The following ATRNL1 variants were observed in gnomAD, a reference collection of about 807,000 sequenced individuals.
ATRNL1 encodes the protein attractin-like protein 1.
A neutral mutation model predicts 182.7 loss-of-function variants in ATRNL1; 95 were observed. The observed-to-expected ratio is 0.52, with a 90% CI of 0.44 to 0.62. The LOEUF is 0.62. Ranked by LOEUF, ATRNL1 falls within the 20% of genes least tolerant of loss-of-function variation. ATRNL1 has a pLI of 0.00. For synonymous variants in ATRNL1, 576 were observed against 568.3 expected (o/e 1.01, Z -0.19); for missense variants, 1,471 against 1,679.5 (o/e 0.88, Z 2.17).
At chr10:115,342,032 CT>C (rs1246745054) in intron 19 of ATRNL1, among the ~76,000 whole-genome samples, 2 of 152,010 alleles carry the variant, frequency 1.3e-5, no homozygotes, top group Non-Finnish European at 2.9e-5. Context: ...TAAGTAAGGA[CT>C]TACTTCTGCC....
chr10:115,285,151 A>T (rs1554918249), intron 14 of ATRNL1, among the ~76,000 whole-genome samples: 1 of 152,144 alleles, frequency 6.6e-6, no homozygotes, highest in Non-Finnish European at 1.5e-5. Flanking sequence ...CAGCAGCTGG[A>T]AGAGTGCATT....
Position 115,097,363 on chromosome 10 carries a change from G to C in ATRNL1, c.293+3320G>C, listed in dbSNP as rs115357465. Among the ~76,000 whole-genome samples, 638 of 152,276 alleles carry C rather than the reference G, an allele frequency of 4.2e-3. 3 individuals carry two copies. Among genetic ancestry groups the C allele is most frequent in the African/African-American group, 0.015 (612 of 41,546 alleles). ...TAGCTGGGCATGGTGGCACACACCT[G>C]TGGTCACAGCTACAAGAGAGAGTGA... is the stretch of plus-strand genomic sequence containing the variant. On this transcript the variant is annotated intron_variant, in intron 1 of 28. Transcript: ENST00000355044.
At chr10:115,106,289 T>C (rs1844005924) in intron 1 of ATRNL1, among the ~76,000 whole-genome samples, 1 of 152,200 alleles carries the variant, frequency 6.6e-6, no homozygotes, top group African/African-American at 2.4e-5. Flanking sequence ...ATGGCTGTAT[T>C]TATCCAATAC....
At chr10:115,844,671 G>A (rs1307688973) in intron 27 of ATRNL1, among the ~76,000 whole-genome samples, 19 of 151,934 alleles carry the variant, frequency 1.3e-4, no homozygotes, top group African/African-American at 4.6e-4. Context: ...TAATACACAG[G>A]GACTGCTAAT....
chr10:115,548,924 A>G (rs1228771143), intron 25 of ATRNL1, among the ~76,000 whole-genome samples: 1 of 152,130 alleles, frequency 6.6e-6, no homozygotes, highest in Non-Finnish European at 1.5e-5. Flanking sequence ...ATGATTGCCA[A>G]AAGGGTTGGG....
intron 8 of ATRNL1, among the ~76,000 whole-genome samples, chr10:115,186,379 A>G (rs568831952): frequency 4.6e-5 from 7 of 151,842 alleles, no homozygotes; most frequent in Admixed American, 1.3e-4. Context: ...AAAAGAAAGA[A>G]GATCATTATA....
intron 27 of ATRNL1, among the ~76,000 whole-genome samples, chr10:115,761,038 C>T (rs181856482): frequency 1.3e-5 from 2 of 152,214 alleles, no homozygotes; most frequent in East Asian, 3.9e-4. Context: ...TCATGCTGCA[C>T]AACACAACTA....
At chr10:115,435,861 G>A (rs1846380439) in intron 21 of ATRNL1, among the ~76,000 whole-genome samples, 1 of 152,144 alleles carries the variant, frequency 6.6e-6, no homozygotes. Context: ...CAAATTCTGT[G>A]AACACTGTAC....
intron 27 of ATRNL1, among the ~76,000 whole-genome samples, chr10:115,818,563 C>G (rs782524871): frequency 1.3e-5 from 2 of 152,130 alleles, no homozygotes; most frequent in African/African-American, 4.8e-5. Flanking sequence ...AAACTGTTGT[C>G]AGAGAAAAGG....
At chr10:115,782,747 G>A (rs537366392) in intron 27 of ATRNL1, among the ~76,000 whole-genome samples, 3 of 152,232 alleles carry the variant, frequency 2.0e-5, no homozygotes, top group South Asian at 4.1e-4. Context: ...ATAGCCCTTG[G>A]CAGTGAAATG....
chr10:115,425,684 A>G (rs947099349), intron 20 of ATRNL1, among the ~76,000 whole-genome samples: 2 of 152,100 alleles, frequency 1.3e-5, no homozygotes, highest in Admixed American at 6.6e-5. Context: ...AATTTAATCT[A>G]TATTAGTCAA....
intron 8 of ATRNL1, among the ~76,000 whole-genome samples, chr10:115,214,571 A>C (rs782207956): frequency 1.3e-5 from 2 of 152,002 alleles, no homozygotes; most frequent in African/African-American, 4.8e-5. Flanking sequence ...ATTTTTAAGC[A>C]TTATCATTTT....
chr10:115,645,390 C>A (rs1300144927), intron 26 of ATRNL1, among the ~76,000 whole-genome samples: 1 of 148,616 alleles, frequency 6.7e-6, no homozygotes, highest in East Asian at 1.9e-4. Flanking sequence ...CTCCTCTACA[C>A]TGTTCCTATT....
At chr10:115,247,021 A>T (rs1396104513) in intron 10 of ATRNL1, among the ~76,000 whole-genome samples, 1 of 152,080 alleles carries the variant, frequency 6.6e-6, no homozygotes, top group East Asian at 1.9e-4. Flanking sequence ...ATGAAACTAG[A>T]CCCTCCCCTC....
chr10:115,894,165 G>T (rs1334917736), intron 28 of ATRNL1, among the ~76,000 whole-genome samples: 1 of 152,144 alleles, frequency 6.6e-6, no homozygotes, highest in African/African-American at 2.4e-5. Flanking sequence ...GATCAAAGAT[G>T]CACCAAAGGG....
At chr10:115,589,386 C>T (rs539986917) in intron 26 of ATRNL1, among the ~76,000 whole-genome samples, 22 of 152,170 alleles carry the variant, frequency 1.4e-4, no homozygotes, top group African/African-American at 5.1e-4. Flanking sequence ...TATATTTATT[C>T]ACATTATTTT....
At chr10:115,600,668 C>T (rs782443402) in intron 26 of ATRNL1, among the ~76,000 whole-genome samples, 18 of 151,944 alleles carry the variant, frequency 1.2e-4, no homozygotes, top group Non-Finnish European at 2.5e-4. Context: ...AGTATTTTCC[C>T]CAGGTCTATA....
At chr10:115,503,274 G>A (rs1236147341) in intron 24 of ATRNL1, among the ~76,000 whole-genome samples, 1 of 151,912 alleles carries the variant, frequency 6.6e-6, no homozygotes. Context: ...AATCTTTTAG[G>A]CCAGTTACCA....
intron 19 of ATRNL1, among the ~76,000 whole-genome samples, chr10:115,383,442 A>G (rs1454944336): frequency 6.6e-6 from 1 of 151,950 alleles, no homozygotes; most frequent in Non-Finnish European, 1.5e-5. Context: ...CATGCATGCT[A>G]GATTAACTAT....
Sources: allele counts gnomAD v4.1 joint callset (sites outside exome capture counted in the v4.1 genomes callset), GRCh38; gene constraint gnomAD v4.1.1; transcripts MANE v1.5; gene names NCBI Gene and HGNC (gene_info 2026-07-23, HGNC 2026-07-21).